The following EIF4E variants were observed in gnomAD, a reference collection of about 807,000 sequenced individuals.
The protein encoded by EIF4E is eIF-4F 25 kDa subunit.
For missense variants in EIF4E, 113 were observed against 265.6 expected (o/e 0.43, Z 3.99); for synonymous variants, 71 against 88.5 (o/e 0.80, Z 1.11).
intron 1 of EIF4E, among the ~76,000 whole-genome samples, chr4:98,914,810 A>G (rs545142051): frequency 2.6e-5 from 4 of 152,346 alleles, no homozygotes; most frequent in Admixed American, 6.5e-5. Context: ...AGGTTCATCA[A>G]TTCTAACAAA....
In EIF4E at chr4:98,917,123, CACACACACACAA is replaced by C. The variant is rs1306694492; in HGVS notation, c.18+11960_18+11971del. Reference sequence around the variant, plus strand: ...ACACACACACACACACACACACACACACACACACACAAAAAAAACCCAAATGCTCAAGTGTCC... The same window carrying C: ...ACACACACACACACACACACACACACAAAAAACCCAAATGCTCAAGTGTCC... On this transcript the variant is annotated intron_variant, in intron 1 of 6. Transcript: ENST00000450253. 5.7e-3 allele frequency among the ~76,000 whole-genome samples: 325 copies of C among 56,592 alleles called. 1 individual carries two copies. The highest frequency in any genetic ancestry group is 0.024 in the African/African-American group (212 of 8,842). The allele number at this position is 56,592 out of a possible 152,430, so 37.1% of individuals were successfully genotyped here. A position where few individuals can be genotyped will look rare whatever the true frequency, so the allele number is the denominator to read the frequency against.
chr4:98,919,877 G>A (rs773080499), intron 1 of EIF4E, among the ~76,000 whole-genome samples: 6 of 152,014 alleles, frequency 3.9e-5, no homozygotes, highest in Non-Finnish European at 7.4e-5. Flanking sequence ...TAGCTTCTGA[G>A]GCCATACTGC....
chr4:98,883,639 G>T (rs1379473940), intron 6 of EIF4E, among the ~76,000 whole-genome samples: 2 of 151,790 alleles, frequency 1.3e-5, no homozygotes, highest in African/African-American at 4.8e-5. Context: ...TCCTGACCTT[G>T]TGATCCACCT....
chr4:98,912,636 AT>A (rs200034233), intron 1 of EIF4E, among the ~76,000 whole-genome samples: 2,756 of 152,160 alleles, frequency 0.018, 75 homozygotes, highest in African/African-American at 0.062. Context: ...AAGTAAAAAA[AT>A]GATTCAAAAT....
chr4:98,883,837 T>G (rs1256331635), intron 6 of EIF4E, among the ~76,000 whole-genome samples: 3 of 152,046 alleles, frequency 2.0e-5, no homozygotes, highest in Admixed American at 6.6e-5. Context: ...CAGGAGTTCA[T>G]GACCAGTCTG....
At position 98,879,533 on chromosome 4, in the gene EIF4E, A is replaced by G. The variant is rs1335431717; in HGVS notation, c.*1495T>C. The G allele has an allele frequency of 6.6e-6, 1 of 152,170 alleles. No homozygotes were observed. Among genetic ancestry groups the G allele is most frequent in the Admixed American group, 6.5e-5 (1 of 15,272 alleles). The allele number at this position is 152,170 out of a possible 1,614,324, so 9.4% of individuals were successfully genotyped here. ...CTACAAAGAGTAGATCAAGTTTTCA[A>G]GTTTACAGAATACCATACTACAACA... On this transcript the variant is annotated 3_prime_UTR_variant, in exon 7 of 7. Coordinates refer to ENST00000450253, the MANE Select transcript of EIF4E (RefSeq NM_001968.5).
intron 1 of EIF4E, among the ~76,000 whole-genome samples, chr4:98,922,846 T>C (rs998542965): frequency 3.5e-5 from 5 of 141,364 alleles, no homozygotes; most frequent in African/African-American, 1.1e-4. Context: ...GTTTTTTCTT[T>C]TTTCTTTTTT....
At chr4:98,913,130 C>A (rs181469961) in intron 1 of EIF4E, among the ~76,000 whole-genome samples, 1,744 of 152,046 alleles carry the variant, frequency 0.011, 11 homozygotes, top group Non-Finnish European at 0.02. Context: ...ATTGCTTGAA[C>A]CTGGGAGGCA....
intron 6 of EIF4E, 100 bp downstream of exon 6, chr4:98,884,822 G>T: frequency 6.8e-7 from 1 of 1,469,212 alleles, no homozygotes. Context: ...AAGGAAAACA[G>T]GATCTACAAA....
intron 3 of EIF4E, among the ~76,000 whole-genome samples, chr4:98,889,786 G>A (rs1410354643): frequency 1.3e-5 from 2 of 152,166 alleles, no homozygotes; most frequent in Non-Finnish European, 2.9e-5. Context: ...TCTGATTGGG[G>A]AAGGTGGCTC....
intron 1 of EIF4E, chr4:98,909,866 G>A: frequency 4.6e-6 from 3 of 652,594 alleles, no homozygotes; most frequent in African/African-American, 1.8e-5. Context: ...CAAGCGCCAT[G>A]AGAAGGGTGG....
Position 98,887,234 on chromosome 4 carries a change from C to T in EIF4E, c.286-42G>A. ...CAACAGTATTACACAACATTGTTAC[C>T]TTGACTTTGAGAGATAATCATTAGA... On this transcript the variant is annotated intron_variant, in intron 4 of 6. Transcript: ENST00000450253. This position sits in a 1 kb window ranked among gnomAD's most constrained non-coding sequence, Gnocchi z 4.0. The T allele has an allele frequency of 6.3e-7, 1 of 1,586,422 alleles. No homozygotes were observed.
intron 1 of EIF4E, among the ~76,000 whole-genome samples, chr4:98,917,675 A>G (rs1326138061): frequency 6.6e-6 from 1 of 152,224 alleles, no homozygotes; most frequent in Non-Finnish European, 1.5e-5. Flanking sequence ...TCAGAAAAGA[A>G]GATGGAGGAG....
At chr4:98,889,095 G>A (rs1724041157) in intron 3 of EIF4E, among the ~76,000 whole-genome samples, 1 of 151,580 alleles carries the variant, frequency 6.6e-6, no homozygotes, top group Non-Finnish European at 1.5e-5. Context: ...GGAGGCGGAG[G>A]TTGCAGTGAG....
intron 1 of EIF4E, among the ~76,000 whole-genome samples, chr4:98,910,662 TA>T (rs1363323587): frequency 1.3e-5 from 2 of 151,700 alleles, no homozygotes; most frequent in Non-Finnish European, 2.9e-5. Context: ...TTTTATTAAT[TA>T]AAAAAAATCC....
intron 3 of EIF4E, among the ~76,000 whole-genome samples, chr4:98,888,612 T>C (rs559470727): frequency 6.6e-6 from 1 of 152,186 alleles, no homozygotes; most frequent in Non-Finnish European, 1.5e-5. Context: ...TTCCCAAGTA[T>C]CAAAATAACA....
At chr4:98,896,665 T>A in intron 2 of EIF4E, among the ~76,000 whole-genome samples, 1 of 61,812 alleles carries the variant, frequency 1.6e-5, no homozygotes, top group African/African-American at 8.2e-5. Flanking sequence ...CCATGTCTCT[T>A]CCAAAAAAAA....
chr4:98,922,284 G>A (rs184195098), intron 1 of EIF4E, among the ~76,000 whole-genome samples: 183 of 152,270 alleles, frequency 1.2e-3, no homozygotes, highest in African/African-American at 4.3e-3. Flanking sequence ...TTAGCCTGGC[G>A]CGGTGGCTCA....
chr4:98,910,005 C>G, intron 1 of EIF4E: 6 of 404,650 alleles, frequency 1.5e-5, no homozygotes, highest in Non-Finnish European at 4.3e-6. Context: ...TACACAAGAA[C>G]AAATATAGTC....
Sources: gnomAD v4.1 joint callset for allele counts (sites outside exome capture counted in the v4.1 genomes callset) on GRCh38, gnomAD v4.1.1 for gene constraint, Gnocchi (gnomAD v3.1) non-coding constraint, MANE v1.5 for transcripts, NCBI Gene and HGNC (gene_info 2026-07-23, HGNC 2026-07-21) for gene names.